The following MFSD12 variants were observed in gnomAD, a reference collection of about 807,000 sequenced individuals.
MFSD12 encodes major facilitator superfamily domain containing 12.
A neutral mutation model predicts 51.2 loss-of-function variants in MFSD12; 67 were observed. The ratio of observed to expected loss-of-function variants is 1.31; its 90% CI spans 1.08 to 1.60. The LOEUF is 1.60. MFSD12 is among the 40% of genes most tolerant of loss of function. MFSD12 has a pLI of 0.00. For synonymous variants in MFSD12, 441 were observed against 316.7 expected (o/e 1.39, Z -4.17); for missense variants, 921 against 673.0 (o/e 1.37, Z -4.08).
Position 3,551,207 on chromosome 19 carries a change from G to A in MFSD12, c.299-13C>T. The A allele has an allele frequency of 1.3e-6, 2 of 1,587,998 alleles. No individual in the cohort carries two copies. The highest frequency in any genetic ancestry group is 1.1e-5 in the South Asian group (1 of 88,454). On this transcript the variant is annotated splice_polypyrimidine_tract_variant and intron_variant, in intron 1 of 9. Coordinates refer to ENST00000355415, the MANE Select transcript of MFSD12 (RefSeq NM_174983.5). This position sits in a 1 kb window ranked among gnomAD's most constrained non-coding sequence, Gnocchi z 4.6. Reference sequence around the variant, plus strand: ...ACGCAGACGGTGCCTGTGGAAGGCAGAGTGGTCAGTCGCGGGGCTGTCCCG... The same window carrying A: ...ACGCAGACGGTGCCTGTGGAAGGCAAAGTGGTCAGTCGCGGGGCTGTCCCG...
chr19:3,549,538 G>A (rs1266608643), intron 2 of MFSD12, among the ~76,000 whole-genome samples: 11 of 149,398 alleles, frequency 7.4e-5, no homozygotes, highest in Admixed American at 6.7e-4. Flanking sequence ...GCCTGGCCAA[G>A]ACGGTGAAAT....
chr19:3,557,179 G>T lies in MFSD12; in HGVS notation c.225C>A (p.Leu75=). 6.5e-7 allele frequency: 1 copy of T among 1,547,334 alleles called. No homozygotes were observed. Among genetic ancestry groups the T allele is most frequent in the Non-Finnish European group, 8.7e-7 (1 of 1,149,356 alleles). ...CGGCGCGGTCGGCCTCGTAGCCCAC[G>T]AGCGGTGTGCACAGCCCGTCGGCCA... is the stretch of plus-strand genomic sequence containing the variant. ...GQVADGLCTP[L]VGYEADRAAS... Residue 75 remains leucine, a synonymous_variant, in exon 1 of 10, where the codon CTC becomes CTA. Transcript: ENST00000355415.
At chr19:3,542,156 C>T (rs1219536675), downstream of MFSD12, 1 of 985,354 alleles carries the variant, frequency 1.0e-6, no homozygotes, top group Non-Finnish European at 1.2e-6. Context: ...ATGTGTCTTG[C>T]AATTCATTTC....
chr19:3,549,721 C>A (rs2031360118), intron 2 of MFSD12, among the ~76,000 whole-genome samples: 2 of 52,154 alleles, frequency 3.8e-5, no homozygotes. Flanking sequence ...AGACTCTTGT[C>A]TCAAAAAAAA....
At chr19:3,545,584 T>G (rs2030939050) in intron 8 of MFSD12, among the ~76,000 whole-genome samples, 1 of 152,236 alleles carries the variant, frequency 6.6e-6, no homozygotes, top group African/African-American at 2.4e-5. Context: ...CTTCCTGCCC[T>G]GGCTGTCCAG....
chr19:3,544,353 A>C lies in MFSD12; in HGVS notation c.*357T>G, dbSNP rs1265635498. 3 of 1,263,882 alleles carry C rather than the reference A, an allele frequency of 2.4e-6. No individual in the cohort carries two copies. Among genetic ancestry groups the C allele is most frequent in the South Asian group, 2.8e-5 (1 of 35,172 alleles). 78.3% of individuals were successfully genotyped at this position (1,263,882 alleles called of 1,614,324 possible). On this transcript the variant is annotated 3_prime_UTR_variant, in exon 10 of 10. Coordinates refer to ENST00000355415, the MANE Select transcript of MFSD12 (RefSeq NM_174983.5). The stretch of plus-strand genomic sequence containing the variant: ...GAGGGGGCCCTGGCAGTGTCTGGAG[A>C]CCCCCAGGCTGGAGGTGAGGGGTGA...
Position 3,545,003 on chromosome 19 carries a change from ACCTGTGCCTCC to A in MFSD12, c.1290-75_1290-65del, listed in dbSNP as rs2030863042. Reference sequence around the variant, plus strand: ...ACCACCCCCCCGCCACCCAAGCTGAACCTGTGCCTCCCCTCACCCCCGACAGCGGCTCCGTC... The same window carrying A: ...ACCACCCCCCCGCCACCCAAGCTGAACCTCACCCCCGACAGCGGCTCCGTC... On this transcript the variant is annotated intron_variant, in intron 8 of 9. Coordinates refer to ENST00000355415, the MANE Select transcript of MFSD12 (RefSeq NM_174983.5). 36 of 1,525,568 alleles carry A rather than the reference ACCTGTGCCTCC, an allele frequency of 2.4e-5. 2 individuals carry two copies. In the South Asian group the frequency reaches 4.4e-4, roughly 19 times the overall value. The allele number at this position is 1,525,568 out of a possible 1,614,324, so 94.5% of individuals were successfully genotyped here. A position where few individuals can be genotyped will look rare whatever the true frequency, so the allele number is the denominator to read the frequency against.
intron 2 of MFSD12, among the ~76,000 whole-genome samples, chr19:3,549,444 C>A (rs564739701): frequency 1.3e-5 from 2 of 152,178 alleles, no homozygotes; most frequent in East Asian, 3.9e-4. Flanking sequence ...AGATTACTGG[C>A]CAGGCGCGGT....
chr19:3,545,431 C>G (rs986434596), intron 8 of MFSD12, among the ~76,000 whole-genome samples: 1 of 152,134 alleles, frequency 6.6e-6, no homozygotes, highest in Non-Finnish European at 1.5e-5. Context: ...CACAGGCCTC[C>G]TCCCTGTTCT....
Position 3,548,257 on chromosome 19 carries a change from T to A in MFSD12, c.520A>T (p.Thr174Ser), listed in dbSNP as rs758684690. Residue 174 changes from threonine to serine, a missense_variant, in exon 3 of 10, where the codon ACC (threonine) becomes TCC (serine). Thr to Ser is a moderately conservative substitution (Grantham distance 58). Coordinates refer to ENST00000355415, the MANE Select transcript of MFSD12 (RefSeq NM_174983.5). ...VELTALRYAF[T>S]VVANITVYGA... ...TAGACGGTGATGTTGGCCACCACGG[T>A]GAACGCATACCTGGCGGGCAGGCGG... The A allele has an allele frequency of 2.9e-5, 45 of 1,549,492 alleles. No individual in the cohort carries two copies. The highest frequency in any genetic ancestry group is 3.9e-5 in the Non-Finnish European group (45 of 1,147,724).
chr19:3,543,911 G>C (rs763322072), downstream of MFSD12: 6 of 1,550,928 alleles, frequency 3.9e-6, no homozygotes, highest in East Asian at 1.5e-4. Flanking sequence ...CCCAGCGCCC[G>C]CCCGGCACCA....
At chr19:3,542,938 C>T, downstream of MFSD12, 1 of 1,480,188 alleles carries the variant, frequency 6.8e-7, no homozygotes, top group Non-Finnish European at 9.1e-7. Flanking sequence ...GTAGCCAGGG[C>T]CCTTGTCCTC....
In MFSD12 at chr19:3,546,309, GGCACAGCCAGCACCCAGCA is replaced by G. The variant is rs1349143776; in HGVS notation, c.1121_1139del (p.Leu374ProfsTer10). 5.0e-6 allele frequency: 8 copies of G among 1,609,732 alleles called. No individual in the cohort carries two copies. The highest frequency in any genetic ancestry group is 1.1e-5 in the South Asian group (1 of 90,674). On this transcript the variant is annotated frameshift_variant, in exon 7 of 10. Transcript: ENST00000355415. LOFTEE classifies it high-confidence loss of function. ...TGGCCAGCGAGGTGACGAGGATGGTGGCACAGCCAGCACCCAGCAGCACAGCCGCTGCGTACACGGCCAC... is the reference window on the plus strand; with the variant it reads ...TGGCCAGCGAGGTGACGAGGATGGTGGCACAGCCGCTGCGTACACGGCCAC...
In MFSD12 at chr19:3,546,429, C is replaced by T. The variant is rs1599826306; in HGVS notation, c.1024-4G>A. On this transcript the variant is annotated splice_region_variant and splice_polypyrimidine_tract_variant and intron_variant, in intron 6 of 9. Coordinates refer to ENST00000355415, the MANE Select transcript of MFSD12 (RefSeq NM_174983.5). Reference sequence around the variant, plus strand: ...GGAGGCCTGAGAAGTAGGTCATCTGCAGGGACAGCCCCGGGGTCAGGCCCA... The same window carrying T: ...GGAGGCCTGAGAAGTAGGTCATCTGTAGGGACAGCCCCGGGGTCAGGCCCA... 1 of 1,601,618 alleles carries T rather than the reference C, an allele frequency of 6.2e-7. No individual in the cohort carries two copies. Among genetic ancestry groups the T allele is most frequent in the Non-Finnish European group, 8.5e-7 (1 of 1,174,922 alleles).
At position 3,544,226 on chromosome 19, in the gene MFSD12, C is replaced by A; in HGVS notation, c.*484G>T. 1 of 1,337,094 alleles carries A rather than the reference C, an allele frequency of 7.5e-7. No homozygotes were observed. Among genetic ancestry groups the A allele is most frequent in the Non-Finnish European group, 9.6e-7 (1 of 1,045,696 alleles). The allele number at this position is 1,337,094 out of a possible 1,614,324, so 82.8% of individuals were successfully genotyped here. A position where few individuals can be genotyped will look rare whatever the true frequency, so the allele number is the denominator to read the frequency against. ...CCGTCATCTCTTTATTTGCTGCCAG[C>A]AGAGTCCACCAAGCCTGCCGGGCAG... On this transcript the variant is annotated 3_prime_UTR_variant, in exon 10 of 10. Transcript: ENST00000355415.
At chr19:3,543,775 G>C, downstream of MFSD12, 3 of 1,490,822 alleles carry the variant, frequency 2.0e-6, no homozygotes, top group Admixed American at 4.5e-5. Flanking sequence ...GGAGCCCCTT[G>C]CTGGCCAACG....
At chr19:3,546,013 A>G in intron 8 of MFSD12, 61 bp downstream of exon 8, 1 of 1,560,712 alleles carries the variant, frequency 6.4e-7, no homozygotes, top group Non-Finnish European at 8.8e-7. Flanking sequence ...CTGGACACAC[A>G]GCAGGCGCTT....
Position 3,544,257 on chromosome 19 carries a change from C to T in MFSD12, c.*453G>A, listed in dbSNP as rs529708629. ...CCACCAAGCCTGCCGGGCAGCCCTGCTGCCCACCACGGTGGGGTCCAGGCC... is the reference window on the plus strand; with the variant it reads ...CCACCAAGCCTGCCGGGCAGCCCTGTTGCCCACCACGGTGGGGTCCAGGCC... On this transcript the variant is annotated 3_prime_UTR_variant, in exon 10 of 10. Transcript: ENST00000355415. 2.1e-5 allele frequency: 27 copies of T among 1,312,862 alleles called. No homozygotes were observed. In the African/African-American group the frequency reaches 3.5e-4, roughly 17 times the overall value. The allele number at this position is 1,312,862 out of a possible 1,614,324, so 81.3% of individuals were successfully genotyped here.
downstream of MFSD12, chr19:3,541,511 CAG>C (rs2030411661): frequency 4.8e-6 from 1 of 208,974 alleles, no homozygotes; most frequent in Non-Finnish European, 8.1e-6. Flanking sequence ...TTAGTAGAGA[CAG>C]TGTTTCACCA....
Sources: allele counts gnomAD v4.1 joint callset (sites outside exome capture counted in the v4.1 genomes callset), GRCh38; gene constraint gnomAD v4.1.1; non-coding constraint Gnocchi (gnomAD v3.1); transcripts MANE v1.5; gene names NCBI Gene and HGNC (gene_info 2026-07-23, HGNC 2026-07-21).